The following MYBL1 variants were observed in gnomAD, a reference collection of about 807,000 sequenced individuals.
MYBL1 encodes the protein myb-related protein A.
A neutral mutation model predicts 96.3 loss-of-function variants in MYBL1; 17 were observed. That is an observed-to-expected ratio of 0.18 (90% confidence interval 0.12 to 0.26). The LOEUF is 0.26. MYBL1 is among the 10% of genes least tolerant of loss of function. The pLI is 1.00. For missense variants in MYBL1, 701 were observed against 882.9 expected (o/e 0.79, Z 2.61); for synonymous variants, 282 against 292.7 (o/e 0.96, Z 0.37).
rs1327942274 is a variant in MYBL1, at chr8:66,593,711, T to C, written c.688-517A>G. On this transcript the variant is annotated intron_variant, in intron 6 of 15. Coordinates refer to ENST00000522677, the MANE Select transcript of MYBL1 (RefSeq NM_001080416.4). ...ATCAGAATCACTCACATACTTTTAATAGATATACTGATGATAGGCTAAGTA... is the reference window on the plus strand; with the variant it reads ...ATCAGAATCACTCACATACTTTTAACAGATATACTGATGATAGGCTAAGTA... Among the ~76,000 whole-genome samples, 8 of 152,208 alleles carry C rather than the reference T, an allele frequency of 5.3e-5. No individual in the cohort carries two copies. The East Asian group carries it at 1.5e-3, about 29-fold the overall frequency.
At chr8:66,580,100 G>A (rs2129822222) in intron 9 of MYBL1, 33 bp downstream of exon 9, 1 of 1,472,314 alleles carries the variant, frequency 6.8e-7, no homozygotes, top group Non-Finnish European at 9.4e-7. Flanking sequence ...AACTAAAATT[G>A]AACTTTTGAT....
In MYBL1 at chr8:66,567,144, G is replaced by A. The variant is rs149533662; in HGVS notation, c.1729-152C>T. On this transcript the variant is annotated intron_variant, in intron 12 of 15. Transcript: ENST00000522677. ...CATTAATTAAATTAATTCATGTTGT[G>A]GCAAAACAATATTATACATTTGCAA... 7.8e-3 allele frequency among the ~76,000 whole-genome samples: 1,191 copies of A among 152,054 alleles called. 19 individuals carry two copies. The highest frequency in any genetic ancestry group is 0.027 in the African/African-American group (1,138 of 41,460).
chr8:66,602,534 AAC>A lies in MYBL1; in HGVS notation c.21-13_21-12del. 1.3e-6 allele frequency: 2 copies of A among 1,570,186 alleles called. No individual in the cohort carries two copies. Among genetic ancestry groups the A allele is most frequent in the Non-Finnish European group, 8.7e-7 (1 of 1,155,236 alleles). On this transcript the variant is annotated splice_polypyrimidine_tract_variant and intron_variant, in intron 1 of 15. Transcript: ENST00000522677. ...TCATCCTCATCCTCACTACAAAAAA[AAC>A]ACAATTTGTGATATCAAGAATTTTA... is the stretch of plus-strand genomic sequence containing the variant.
intron 4 of MYBL1, among the ~76,000 whole-genome samples, chr8:66,597,847 T>TAAAA (rs1189665191): frequency 2.8e-5 from 1 of 36,190 alleles, no homozygotes; most frequent in Non-Finnish European, 5.3e-5. Context: ...CTCCTACATC[T>TAAAA]AAAAAAAAAA....
At chr8:66,579,784 G>A (rs1809125355) in intron 9 of MYBL1, among the ~76,000 whole-genome samples, 1 of 151,962 alleles carries the variant, frequency 6.6e-6, no homozygotes, top group Admixed American at 6.6e-5. Flanking sequence ...TGTTTTCTGA[G>A]TATAGAACAC....
In MYBL1 at chr8:66,562,672, G is replaced by C. The variant is rs575556738; in HGVS notation, c.*2025C>G. 7 of 152,438 alleles carry C rather than the reference G, an allele frequency of 4.6e-5. No individual in the cohort carries two copies. The East Asian group carries it at 9.7e-4, about 21-fold the overall frequency. 9.4% of individuals were successfully genotyped at this position (152,438 alleles called of 1,614,324 possible). ...GCAGACTATGTATATCCAGGTAAGG[G>C]CTACATTAAAAACAACAACAACAAA... On this transcript the variant is annotated 3_prime_UTR_variant, in exon 16 of 16. Coordinates refer to ENST00000522677, the MANE Select transcript of MYBL1 (RefSeq NM_001080416.4).
chr8:66,608,791 A>T (rs2130074989), intron 1 of MYBL1, among the ~76,000 whole-genome samples: 1 of 152,264 alleles, frequency 6.6e-6, no homozygotes, highest in East Asian at 1.9e-4. Context: ...ATGTAGTTAA[A>T]TAAACCATTC....
intron 8 of MYBL1, among the ~76,000 whole-genome samples, chr8:66,585,153 C>T (rs1218192638): frequency 6.6e-6 from 1 of 152,086 alleles, no homozygotes; most frequent in Non-Finnish European, 1.5e-5. Context: ...TCCAAATATT[C>T]TATATAGAGC....
At chr8:66,588,727 A>G (rs1045283678) in intron 8 of MYBL1, among the ~76,000 whole-genome samples, 12 of 152,172 alleles carry the variant, frequency 7.9e-5, no homozygotes, top group Non-Finnish European at 1.5e-4. Context: ...ACTGTTTAGG[A>G]AAAAAAACTT....
chr8:66,571,647 C>G (rs886660219), intron 12 of MYBL1, among the ~76,000 whole-genome samples: 2 of 151,944 alleles, frequency 1.3e-5, no homozygotes, highest in Non-Finnish European at 2.9e-5. Context: ...TTTGGGAGGC[C>G]GAAGGTGGGT....
chr8:66,566,083 T>C lies in MYBL1; in HGVS notation c.2111A>G (p.Lys704Arg), dbSNP rs1199248778. ...CCATACCTGAAGATTCTTTTCCAAT[T>C]TGACAACTTTGGAAGTGTTAGGGTT... ...KPNPNTSKVV[K>R]LEKNLQSNCE... The change falls in exon 15 of 16, where the codon AAA becomes AGA. Residue 704 changes from lysine to arginine, a missense_variant. Transcript: ENST00000522677. 7 of 1,530,440 alleles carry C rather than the reference T, an allele frequency of 4.6e-6. No individual in the cohort carries two copies. The East Asian group carries it at 7.4e-5, about 16-fold the overall frequency. 94.8% of individuals were successfully genotyped at this position (1,530,440 alleles called of 1,614,324 possible).
At position 66,580,274 on chromosome 8, in the gene MYBL1, C is replaced by T. The variant is rs533412903; in HGVS notation, c.960G>A (p.Glu320=). The change falls in exon 9 of 16, where the codon GAG becomes GAA. Residue 320 remains glutamate (E), a synonymous_variant. Coordinates refer to ENST00000522677, the MANE Select transcript of MYBL1 (RefSeq NM_001080416.4). ...TLNSLDEHTS[E]FYSMDENQPV... is the part of the protein sequence containing the mutation. ...GCTGATTTTCATCCATACTGTAAAA[C>T]TCACTAGTGTGCTCGTCAAGGCTAT... is the stretch of plus-strand genomic sequence containing the variant. 181 of 1,613,836 alleles carry T rather than the reference C, an allele frequency of 1.1e-4. 2 individuals are homozygous for T. In the South Asian group the frequency reaches 1.9e-3, roughly 17 times the overall value.
chr8:66,596,703 C>T (rs1337182402), intron 5 of MYBL1, among the ~76,000 whole-genome samples: 1 of 152,100 alleles, frequency 6.6e-6, no homozygotes, highest in Non-Finnish European at 1.5e-5. Context: ...AAGACAAATG[C>T]GTATCTTCTA....
rs1174890590 is a variant in MYBL1 at position 66,577,274 on chromosome 8, G to T, written c.1102-899C>A. ...AATAAAGGGTATTCAATTAGGAAAA[G>T]AGGAAGTCAAATTGTCCCTGTTTGC... On this transcript the variant is annotated intron_variant, in intron 9 of 15. Coordinates refer to ENST00000522677, the MANE Select transcript of MYBL1 (RefSeq NM_001080416.4). Among the ~76,000 whole-genome samples, 5 of 148,336 alleles carry T rather than the reference G, an allele frequency of 3.4e-5. No homozygotes were observed. The South Asian group carries it at 1.1e-3, about 33-fold the overall frequency.
intron 1 of MYBL1, chr8:66,612,234 G>T (rs1417444858): frequency 2.0e-5 from 3 of 152,174 alleles, no homozygotes; most frequent in African/African-American, 7.2e-5. Context: ...CCCAAGAGAG[G>T]ATATTAAAAT....
chr8:66,597,316 A>G lies in MYBL1; in HGVS notation c.512+14T>C, dbSNP rs1809891573. On this transcript the variant is annotated intron_variant, in intron 5 of 15. Transcript: ENST00000522677. ...TTTAAGTACAGAAAAATATATATAC[A>G]TTTATATAAGCACCTTCCTGGAAGT... 1 of 1,528,878 alleles carries G rather than the reference A, an allele frequency of 6.5e-7. No homozygotes were observed. Among genetic ancestry groups the G allele is most frequent in the East Asian group, 2.4e-5 (1 of 41,582 alleles). The allele number at this position is 1,528,878 out of a possible 1,614,324, so 94.7% of individuals were successfully genotyped here.
chr8:66,564,269 C>T lies in MYBL1; in HGVS notation c.*428G>A, dbSNP rs1808418083. 6.6e-6 allele frequency: 1 copy of T among 152,334 alleles called. No individual in the cohort carries two copies. The highest frequency in any genetic ancestry group is 6.6e-5 in the Admixed American group (1 of 15,248). 9.4% of individuals were successfully genotyped at this position (152,334 alleles called of 1,614,324 possible). A position where few individuals can be genotyped will look rare whatever the true frequency, so the allele number is the denominator to read the frequency against. The stretch of plus-strand genomic sequence containing the variant: ...GTAAATGGTAGCCTAAGTAAATCAG[C>T]ACATGGGCAAAAGTACTTCATAAAA... On this transcript the variant is annotated 3_prime_UTR_variant, in exon 16 of 16. Transcript: ENST00000522677.
chr8:66,580,000 C>A, intron 9 of MYBL1, 133 bp downstream of exon 9: 1 of 652,410 alleles, frequency 1.5e-6, no homozygotes, highest in Non-Finnish European at 2.5e-6. Context: ...CTAGAAGCCA[C>A]TGCAAAATAT....
Position 66,576,179 on chromosome 8 carries a change from G to A in MYBL1, c.1298C>T (p.Thr433Ile), listed in dbSNP as rs1808935414. The change falls in exon 10 of 16, where the codon ACA becomes ATA. Residue 433 changes from threonine (T) to isoleucine (I), a missense_variant. By Grantham distance (89) the Thr-to-Ile change is moderately conservative. Coordinates refer to ENST00000522677, the MANE Select transcript of MYBL1 (RefSeq NM_001080416.4). ...NGGNSEAVPLTSPNIAKFSTP... is the reference protein window; with the variant it reads ...NGGNSEAVPLISPNIAKFSTP... ...GCTAAACTTGGCTATATTTGGGGATGTTAAAGGAACAGCTTCACTGTTGCC... is the reference window on the plus strand; with the variant it reads ...GCTAAACTTGGCTATATTTGGGGATATTAAAGGAACAGCTTCACTGTTGCC... 1 of 1,613,962 alleles carries A rather than the reference G, an allele frequency of 6.2e-7. No homozygotes were observed. The highest frequency in any genetic ancestry group is 1.1e-5 in the South Asian group (1 of 91,080).
Sources: allele counts gnomAD v4.1 joint callset (sites outside exome capture counted in the v4.1 genomes callset), GRCh38; gene constraint gnomAD v4.1.1; transcripts MANE v1.5; gene names NCBI Gene and HGNC (gene_info 2026-07-23, HGNC 2026-07-21).